The following ATP9A variants were observed in gnomAD, a reference collection of about 807,000 sequenced individuals.
ATP9A encodes ATPase phospholipid transporting 9A.
ATP9A carries 52 observed loss-of-function variants against 144.1 expected under a neutral mutation model. The observed-to-expected ratio is 0.36, with a 90% CI of 0.29 to 0.45. ATP9A has a LOEUF of 0.45. Ranked by LOEUF, ATP9A falls within the 20% of genes least tolerant of loss-of-function variation. ATP9A has a pLI of 1.00. For missense variants in ATP9A, 947 were observed against 1,392.7 expected (o/e 0.68, Z 5.09); for synonymous variants, 582 against 557.4 (o/e 1.04, Z -0.62).
At chr20:51,752,070 GA>G (rs1169037482) in intron 1 of ATP9A, among the ~76,000 whole-genome samples, 2,430 of 148,828 alleles carry the variant, frequency 0.016, 65 homozygotes, top group African/African-American at 0.055. Context: ...AAAAAAACAA[GA>G]AAAAAAAAAT....
At chr20:51,757,916 G>T (rs1043089536) in intron 1 of ATP9A, among the ~76,000 whole-genome samples, 28 of 152,008 alleles carry the variant, frequency 1.8e-4, no homozygotes, top group East Asian at 7.7e-4. Flanking sequence ...AAAAAAAAAG[G>T]TTTTAAATGT....
chr20:51,630,701 TA>T (rs940166476), intron 15 of ATP9A, among the ~76,000 whole-genome samples: 3 of 150,716 alleles, frequency 2.0e-5, no homozygotes, highest in Non-Finnish European at 4.4e-5. Context: ...AACTCCATCT[TA>T]AAAAAAAAGT....
At chr20:51,618,592 T>C in intron 21 of ATP9A, 70 bp downstream of exon 21, 4 of 1,532,460 alleles carry the variant, frequency 2.6e-6, no homozygotes, top group Middle Eastern at 2.4e-4. Flanking sequence ...AGTGTCCAAA[T>C]ATCCTTAGGG....
chr20:51,705,434 T>C (rs2077610975), intron 4 of ATP9A, among the ~76,000 whole-genome samples: 1 of 152,100 alleles, frequency 6.6e-6, no homozygotes, highest in African/African-American at 2.4e-5. Flanking sequence ...AGGAAAGATA[T>C]CAGGTCGATT....
At position 51,600,101 on chromosome 20, in the gene ATP9A, A is replaced by C. The variant is rs1263873390; in HGVS notation, c.*1110T>G. The C allele has an allele frequency of 6.6e-6, 1 of 152,210 alleles. No homozygotes were observed. The highest frequency in any genetic ancestry group is 1.5e-5 in the Non-Finnish European group (1 of 68,044). The allele number at this position is 152,210 out of a possible 1,614,324, so 9.4% of individuals were successfully genotyped here. ...GGCAGTGGAACAGATCCCAGATCCCAACGCTGTAGCTTGGGCGTCCTCCCA... is the reference window on the plus strand; with the variant it reads ...GGCAGTGGAACAGATCCCAGATCCCCACGCTGTAGCTTGGGCGTCCTCCCA... On this transcript the variant is annotated 3_prime_UTR_variant, in exon 28 of 28. Transcript: ENST00000338821.
At chr20:51,719,742 A>C (rs2151118) in intron 3 of ATP9A, among the ~76,000 whole-genome samples, 17,810 of 131,668 alleles carry the variant, frequency 0.14, 1,312 homozygotes, top group East Asian at 0.24. Context: ...AAAAAAAAAA[A>C]AAAGGGGGGG....
chr20:51,615,893 C>G (rs560071583), intron 22 of ATP9A, among the ~76,000 whole-genome samples: 64 of 152,268 alleles, frequency 4.2e-4, no homozygotes, highest in African/African-American at 1.5e-3. Flanking sequence ...ACCTCGGCCT[C>G]CCAATGTGCT....
rs568057223 is a variant in ATP9A at position 51,611,239 on chromosome 20, C to T, written c.2572-1074G>A. 2.6e-5 allele frequency among the ~76,000 whole-genome samples: 4 copies of T among 152,332 alleles called. No individual in the cohort carries two copies. In the East Asian group the frequency reaches 5.8e-4, roughly 22 times the overall value. On this transcript the variant is annotated intron_variant, in intron 23 of 27. Coordinates refer to ENST00000338821, the MANE Select transcript of ATP9A (RefSeq NM_006045.3). The surrounding 1 kb of genome is among the most constrained non-coding windows in gnomAD (Gnocchi z 4.2). The stretch of plus-strand genomic sequence containing the variant: ...AGCATGTAAGAAACACGTGCTTTCT[C>T]GGCACAGAGCTCAGAGCGCAGGTGA...
rs1175676776 is a variant in ATP9A, at chr20:51,690,799, C to T, written c.663G>A (p.Ser221=). Residue 221 remains serine, a synonymous_variant, in exon 8 of 28, where the codon TCG becomes TCA. Transcript: ENST00000338821. ...PTAADLLQIR[S]YVYAEEPNID... is the part of the protein sequence containing the mutation. ...TATTTGGCTCTTCTGCGTACACATA[C>T]GATCGAATCTGAAGAAGGTCCTGTT... 50 of 1,613,986 alleles carry T rather than the reference C, an allele frequency of 3.1e-5. No homozygotes were observed. Among genetic ancestry groups the T allele is most frequent in the East Asian group, 4.5e-5 (2 of 44,892 alleles).
Position 51,605,038 on chromosome 20 carries a change from G to T in ATP9A, c.2804-18C>A. ...GGTGCTCCCTGCAAACACCAGAGAA[G>T]GGTATTCCCCTCACCCTCCCTGCGA... On this transcript the variant is annotated intron_variant, in intron 26 of 27. Transcript: ENST00000338821. The T allele has an allele frequency of 6.3e-7, 1 of 1,585,306 alleles. No homozygotes were observed. Among genetic ancestry groups the T allele is most frequent in the South Asian group, 1.2e-5 (1 of 86,818 alleles).
chr20:51,713,477 A>C (rs1463423402), intron 3 of ATP9A, among the ~76,000 whole-genome samples: 1 of 152,160 alleles, frequency 6.6e-6, no homozygotes, highest in Non-Finnish European at 1.5e-5. Flanking sequence ...TCCTCATAAC[A>C]ACCCTGAGAT....
intron 26 of ATP9A, among the ~76,000 whole-genome samples, chr20:51,607,244 A>G (rs553034426): frequency 4.3e-4 from 66 of 152,316 alleles, no homozygotes; most frequent in African/African-American, 1.5e-3. Context: ...CATCCCAGAA[A>G]GCATCTGCTT....
At chr20:51,656,219 CAAA>C (rs11476943) in intron 14 of ATP9A, among the ~76,000 whole-genome samples, 4 of 143,748 alleles carry the variant, frequency 2.8e-5, no homozygotes. Flanking sequence ...ATGATGGTTG[CAAA>C]AAAAAAAAAA....
chr20:51,753,968 G>A (rs758906273), intron 1 of ATP9A, among the ~76,000 whole-genome samples: 5 of 151,372 alleles, frequency 3.3e-5, no homozygotes, highest in Non-Finnish European at 5.9e-5. Context: ...CACCATGCCC[G>A]GCCTGTTCTC....
chr20:51,621,018 G>T (rs1021524225), intron 19 of ATP9A, among the ~76,000 whole-genome samples: 2 of 151,858 alleles, frequency 1.3e-5, no homozygotes, highest in Non-Finnish European at 2.9e-5. Context: ...GTGGTGGCAG[G>T]CGCCTGTAAT....
At chr20:51,710,018 G>GAAA (rs2077631003) in intron 4 of ATP9A, among the ~76,000 whole-genome samples, 2 of 152,188 alleles carry the variant, frequency 1.3e-5, no homozygotes, top group East Asian at 3.9e-4. Flanking sequence ...GACCTCATGT[G>GAAA]AGGCCGGGCA....
chr20:51,762,155 AG>A (rs915241445), intron 1 of ATP9A, among the ~76,000 whole-genome samples: 3 of 152,122 alleles, frequency 2.0e-5, no homozygotes, highest in African/African-American at 7.2e-5. Flanking sequence ...ACTTGAGGTC[AG>A]GAGTTCAAGG....
chr20:51,754,683 G>T (rs578259666), intron 1 of ATP9A, among the ~76,000 whole-genome samples: 2 of 152,050 alleles, frequency 1.3e-5, no homozygotes, highest in South Asian at 4.1e-4. Flanking sequence ...GGGCATGGTG[G>T]TGCATGCCTG....
At position 51,596,531 on chromosome 20, in the gene ATP9A, A is replaced by G. The variant is rs1039048930; in HGVS notation, c.*4680T>C. The G allele has an allele frequency of 1.3e-5, 2 of 151,864 alleles. No individual in the cohort carries two copies. Among genetic ancestry groups the G allele is most frequent in the African/African-American group, 4.8e-5 (2 of 41,308 alleles). The allele number at this position is 151,864 out of a possible 1,614,324, so 9.4% of individuals were successfully genotyped here. A position where few individuals can be genotyped will look rare whatever the true frequency, so the allele number is the denominator to read the frequency against. On this transcript the variant is annotated 3_prime_UTR_variant, in exon 28 of 28. Coordinates refer to ENST00000338821, the MANE Select transcript of ATP9A (RefSeq NM_006045.3). ...GCTTATGGTTTTCATCTTATTTTCC[A>G]TTTATATCTATCACCTTTTGAAATT...
Sources: gnomAD v4.1 joint callset for allele counts (sites outside exome capture counted in the v4.1 genomes callset) on GRCh38, gnomAD v4.1.1 for gene constraint, Gnocchi (gnomAD v3.1) non-coding constraint, MANE v1.5 for transcripts, NCBI Gene and HGNC (gene_info 2026-07-23, HGNC 2026-07-21) for gene names.